MACROD2: variants seen among roughly 807,000 people sequenced by gnomAD.
MACROD2 encodes the protein ADP-ribose glycohydrolase MACROD2.
A neutral mutation model predicts 70.4 loss-of-function variants in MACROD2; 36 were observed. The ratio of observed to expected loss-of-function variants is 0.51; its 90% CI spans 0.39 to 0.68. The LOEUF is 0.68. MACROD2 is among the 30% of genes least tolerant of loss of function. The pLI is 0.00. For synonymous variants in MACROD2, 172 were observed against 178.8 expected, an observed-to-expected ratio of 0.96 and a Z score of 0.30; for missense variants, 496 against 538.4, an observed-to-expected ratio of 0.92 and a Z score of 0.78.
intron 5 of MACROD2, among the ~76,000 whole-genome samples, chr20:15,218,475 A>G (rs769673034): frequency 1.3e-4 from 20 of 152,282 alleles, no homozygotes; most frequent in Admixed American, 4.6e-4. Context: ...AAGTAAAACT[A>G]CTGTCATGAT....
chr20:15,315,056 G>A (rs1414797577), intron 6 of MACROD2, among the ~76,000 whole-genome samples: 1 of 152,170 alleles, frequency 6.6e-6, no homozygotes, highest in African/African-American at 2.4e-5. Context: ...AAAGATTCAA[G>A]TAGGTAGAAG....
At chr20:16,043,451 T>C (rs2067334795) in intron 16 of MACROD2, among the ~76,000 whole-genome samples, 1 of 152,092 alleles carries the variant, frequency 6.6e-6, no homozygotes, top group Non-Finnish European at 1.5e-5. Flanking sequence ...ATTTGTATAC[T>C]GATTTTCTCA....
At chr20:14,925,826 G>A (rs2074223969) in intron 5 of MACROD2, among the ~76,000 whole-genome samples, 4 of 152,120 alleles carry the variant, frequency 2.6e-5, no homozygotes, top group Admixed American at 2.6e-4. Flanking sequence ...AGATTTCTTG[G>A]TGCGTTTCAT....
At chr20:15,923,106 G>T (rs543231405) in intron 10 of MACROD2, among the ~76,000 whole-genome samples, 1 of 152,032 alleles carries the variant, frequency 6.6e-6, no homozygotes, top group Non-Finnish European at 1.5e-5. Context: ...AAAATAAATC[G>T]CAGCATACTT....
intron 7 of MACROD2, among the ~76,000 whole-genome samples, chr20:15,435,994 A>G (rs1300939854): frequency 6.6e-6 from 1 of 152,100 alleles, no homozygotes; most frequent in African/African-American, 2.4e-5. Flanking sequence ...TGGTAAATTT[A>G]CAAGTGAGAC....
At chr20:14,056,408 G>A (rs901618247) in intron 2 of MACROD2, among the ~76,000 whole-genome samples, 44 of 150,266 alleles carry the variant, frequency 2.9e-4, no homozygotes, top group Non-Finnish European at 3.9e-4. Context: ...AATTTTACCT[G>A]TTTTTTTTGT....
chr20:16,024,315 AG>A (rs1447876166), intron 15 of MACROD2, among the ~76,000 whole-genome samples: 3 of 152,210 alleles, frequency 2.0e-5, no homozygotes, highest in African/African-American at 7.2e-5. Flanking sequence ...CCAGATTAAT[AG>A]CAATTGTAAG....
At chr20:14,612,594 G>T (rs1702997578) in intron 4 of MACROD2, among the ~76,000 whole-genome samples, 1 of 151,998 alleles carries the variant, frequency 6.6e-6, no homozygotes, top group African/African-American at 2.4e-5. Flanking sequence ...CATCATTTCA[G>T]TTGCTCAACT....
intron 8 of MACROD2, among the ~76,000 whole-genome samples, chr20:15,658,453 C>T (rs1368527801): frequency 6.6e-6 from 1 of 152,184 alleles, no homozygotes; most frequent in East Asian, 1.9e-4. Context: ...TTTTCTGGGC[C>T]TCATTGTTTG....
intron 5 of MACROD2, among the ~76,000 whole-genome samples, chr20:15,213,851 A>G (rs537767673): frequency 3.4e-4 from 51 of 152,238 alleles, no homozygotes; most frequent in African/African-American, 1.2e-3. Context: ...TAGGAAGGAC[A>G]GTGCTCTTTC....
At chr20:15,514,445 A>G (rs951288379) in intron 8 of MACROD2, among the ~76,000 whole-genome samples, 2 of 152,238 alleles carry the variant, frequency 1.3e-5, no homozygotes, top group African/African-American at 4.8e-5. Context: ...TCATTGTGTT[A>G]CAATTACCTA....
chr20:14,341,402 C>T (rs1034328146), intron 3 of MACROD2, among the ~76,000 whole-genome samples: 6 of 152,164 alleles, frequency 3.9e-5, no homozygotes, highest in African/African-American at 1.4e-4. Context: ...CTTTGGGAGG[C>T]CGAGGCGGGA....
At chr20:15,261,983 G>T (rs1455458615) in intron 6 of MACROD2, among the ~76,000 whole-genome samples, 1 of 151,932 alleles carries the variant, frequency 6.6e-6, no homozygotes, top group Non-Finnish European at 1.5e-5. Context: ...GGCATACAAT[G>T]TATAATACTC....
intron 3 of MACROD2, among the ~76,000 whole-genome samples, chr20:14,310,646 T>C (rs1568549094): frequency 6.6e-6 from 1 of 152,174 alleles, no homozygotes; most frequent in Non-Finnish European, 1.5e-5. Context: ...TTAAGTTAAC[T>C]GTAAAACAGC....
chr20:14,481,806 A>G (rs1345590909), intron 3 of MACROD2, among the ~76,000 whole-genome samples: 1 of 152,222 alleles, frequency 6.6e-6, no homozygotes, highest in African/African-American at 2.4e-5. Context: ...ATCATTTGTT[A>G]TAGGAAAAGT....
chr20:15,953,159 G>C (rs1020138009), intron 12 of MACROD2, among the ~76,000 whole-genome samples: 1 of 152,082 alleles, frequency 6.6e-6, no homozygotes, highest in Non-Finnish European at 1.5e-5. Flanking sequence ...AGCCAAGAAA[G>C]GTTGGTCTCA....
chr20:15,536,144 G>A (rs895716538), intron 8 of MACROD2, among the ~76,000 whole-genome samples: 6 of 152,144 alleles, frequency 3.9e-5, no homozygotes, highest in South Asian at 2.1e-4. Flanking sequence ...CCAGAGGCTC[G>A]AATCCACTAA....
At chr20:15,474,806 C>T (rs551731003) in intron 7 of MACROD2, among the ~76,000 whole-genome samples, 1 of 152,190 alleles carries the variant, frequency 6.6e-6, no homozygotes, top group Non-Finnish European at 1.5e-5. Context: ...TGGCAGCTGA[C>T]CCTGGCTGGA....
rs1028692829 is a variant in MACROD2, at chr20:15,139,668, G to A, written c.419-90272G>A. Among the ~76,000 whole-genome samples the A allele has an allele frequency of 1.3e-4, 20 of 152,222 alleles. No homozygotes were observed. The East Asian group carries it at 2.9e-3, about 22-fold the overall frequency. Reference sequence around the variant, plus strand: ...GTGGATTTGCCCAATATTGGTGCTCGTAAAAACAATTACCCTGAAATTATT... The same window carrying A: ...GTGGATTTGCCCAATATTGGTGCTCATAAAAACAATTACCCTGAAATTATT... On this transcript the variant is annotated intron_variant, in intron 5 of 17. Transcript: ENST00000684519.
Sources: gnomAD v4.1 joint callset for allele counts (sites outside exome capture counted in the v4.1 genomes callset) on GRCh38, gnomAD v4.1.1 for gene constraint, MANE v1.5 for transcripts, NCBI Gene and HGNC (gene_info 2026-07-23, HGNC 2026-07-21) for gene names.